SCRT2: variants seen among roughly 807,000 people sequenced by gnomAD.
The protein encoded by SCRT2 is transcriptional repressor scratch 2.
Under a neutral mutation model 3.7 loss-of-function variants are expected in SCRT2, and 2 were observed. The observed-to-expected ratio is 0.54, with a 90% CI of 0.22 to 1.70. SCRT2 has a LOEUF of 1.70. Ranked by LOEUF, SCRT2 falls within the 40% of genes most tolerant of loss-of-function variation. The pLI, the probability that SCRT2 is intolerant of heterozygous loss-of-function variation, is 0.19. For missense variants in SCRT2, 456 were observed against 468.5 expected, an observed-to-expected ratio of 0.97 and a Z score of 0.25; for synonymous variants, 256 against 220.6, an observed-to-expected ratio of 1.16 and a Z score of -1.42.
chr20:672,861 T>A (rs1350543944), intron 1 of SCRT2, among the ~76,000 whole-genome samples: 1 of 151,056 alleles, frequency 6.6e-6, no homozygotes, highest in African/African-American at 2.4e-5. Context: ...GGCTCAGCAA[T>A]TTTTCACACT....
In SCRT2 at chr20:663,665, G is replaced by C; in HGVS notation, c.*6C>G. 2 of 1,446,728 alleles carry C rather than the reference G, an allele frequency of 1.4e-6. No homozygotes were observed. The highest frequency in any genetic ancestry group is 9.1e-7 in the Non-Finnish European group (1 of 1,104,006). 89.6% of individuals were successfully genotyped at this position (1,446,728 alleles called of 1,614,324 possible). On this transcript the variant is annotated 3_prime_UTR_variant, in exon 2 of 2. Transcript: ENST00000246104. This position sits in a 1 kb window ranked among gnomAD's most constrained non-coding sequence, Gnocchi z 6.9. ...GAGTTCCGGGCGCGAGGGCGAGGCG[G>C]AAGGCTCAGCTGGCCGGGCCGGCGG...
chr20:671,408 G>A (rs1202768444), intron 1 of SCRT2, among the ~76,000 whole-genome samples: 2 of 152,218 alleles, frequency 1.3e-5, no homozygotes, highest in East Asian at 1.9e-4. Context: ...CTGGACCAAG[G>A]CCAAGTTACC....
intron 1 of SCRT2, among the ~76,000 whole-genome samples, chr20:671,924 T>C (rs997793875): frequency 6.6e-6 from 1 of 152,060 alleles, no homozygotes. Flanking sequence ...AAGATATTCT[T>C]GGCAGGGGCC....
chr20:666,157 G>T lies in SCRT2; in HGVS notation c.134-1696C>A, dbSNP rs1984147689. 6.6e-6 allele frequency among the ~76,000 whole-genome samples: 1 copy of T among 152,162 alleles called. No homozygotes were observed. Among genetic ancestry groups the T allele is most frequent in the Non-Finnish European group, 1.5e-5 (1 of 68,028 alleles). On this transcript the variant is annotated intron_variant, in intron 1 of 1. Coordinates refer to ENST00000246104, the MANE Select transcript of SCRT2 (RefSeq NM_033129.4). The surrounding 1 kb of genome is among the most constrained non-coding windows in gnomAD (Gnocchi z 4.4). ...TATGGAAGTGGATGACTCGGAAGCG[G>T]GGGGCTCTGTGGTTGGATGTAAAGG...
In SCRT2 at chr20:664,583, G is replaced by T; in HGVS notation, c.134-122C>A. On this transcript the variant is annotated intron_variant, in intron 1 of 1. Coordinates refer to ENST00000246104, the MANE Select transcript of SCRT2 (RefSeq NM_033129.4). This position sits in a 1 kb window ranked among gnomAD's most constrained non-coding sequence, Gnocchi z 7.9. ...CCCTGTGGCAGCTCCGACAGTGGTG[G>T]TCTCCGACCTGCACCTCAGCTCTTC... 1 of 614,406 alleles carries T rather than the reference G, an allele frequency of 1.6e-6. No homozygotes were observed. The highest frequency in any genetic ancestry group is 7.8e-5 in the South Asian group (1 of 12,886). 38.1% of individuals were successfully genotyped at this position (614,406 alleles called of 1,614,324 possible).
In SCRT2 at chr20:675,732, G is replaced by C. The variant is rs535591466; in HGVS notation, c.-131C>G. The C allele has an allele frequency of 5.8e-6, 3 of 514,472 alleles. No homozygotes were observed. The highest frequency in any genetic ancestry group is 8.3e-6 in the Non-Finnish European group (3 of 362,416). The allele number at this position is 514,472 out of a possible 1,614,324, so 31.9% of individuals were successfully genotyped here. On this transcript the variant is annotated 5_prime_UTR_variant, in exon 1 of 2. Coordinates refer to ENST00000246104, the MANE Select transcript of SCRT2 (RefSeq NM_033129.4). The surrounding 1 kb of genome is among the most constrained non-coding windows in gnomAD (Gnocchi z 6.9). ...CGGGAGGCCGCTCGGAGCCGGCACCGGTGGCGGCGGCCCCGGCTCGGGCTC... is the reference window on the plus strand; with the variant it reads ...CGGGAGGCCGCTCGGAGCCGGCACCCGTGGCGGCGGCCCCGGCTCGGGCTC...
rs1983990254 is a variant in SCRT2, at chr20:662,517, G to GCTGT, written c.*1153_*1154insACAG. 6.6e-6 allele frequency: 1 copy of GCTGT among 152,402 alleles called. No homozygotes were observed. Among genetic ancestry groups the GCTGT allele is most frequent in the Non-Finnish European group, 1.5e-5 (1 of 68,202 alleles). 9.4% of individuals were successfully genotyped at this position (152,402 alleles called of 1,614,324 possible). ...CGCGGGGGTGTGTGTGGTGGGGGCA[G>GCTGT]CCCTCTGTGGCCTGTGCTGTCCCTC... On this transcript the variant is annotated 3_prime_UTR_variant, in exon 2 of 2. Transcript: ENST00000246104.
rs753461150 is a variant in SCRT2 at position 664,301 on chromosome 20, C to T, written c.294G>A (p.Gly98=). The T allele has an allele frequency of 2.0e-6, 3 of 1,498,792 alleles. No individual in the cohort carries two copies. The highest frequency in any genetic ancestry group is 1.9e-5 in the Admixed American group (1 of 51,882). The allele number at this position is 1,498,792 out of a possible 1,614,324, so 92.8% of individuals were successfully genotyped here. Residue 98 remains glycine (G), a synonymous_variant, in exon 2 of 2, where the codon GGG becomes GGA. Transcript: ENST00000246104. This position sits in a 1 kb window ranked among gnomAD's most constrained non-coding sequence, Gnocchi z 7.9. ...QSSLSARYFR[G]EAAVTDSYSM... ...AGTAGCTGTCGGTCACTGCCGCCTC[C>T]CCTCGGAAGTAGCGCGCCGACAGGC...
chr20:664,041 G>C lies in SCRT2; in HGVS notation c.554C>G (p.Ala185Gly), dbSNP rs1191168424. 6.2e-7 allele frequency: 1 copy of C among 1,611,708 alleles called. No individual in the cohort carries two copies. The highest frequency in any genetic ancestry group is 8.5e-7 in the Non-Finnish European group (1 of 1,179,580). The change falls in exon 2 of 2, where the codon GCG (alanine) becomes GGG (glycine). Residue 185 changes from alanine to glycine, a missense_variant. Around this residue, in one of 3 missense-constraint regions of SCRT2, gnomAD observed 306 missense variants for 305.3 expected, o/e 1.00. Coordinates refer to ENST00000246104, the MANE Select transcript of SCRT2 (RefSeq NM_033129.4). This position sits in a 1 kb window ranked among gnomAD's most constrained non-coding sequence, Gnocchi z 7.9. ...CTTGCCGCACGTCGGGCATTTGCGC[G>C]CCAGCTGGCTGTCCAGGCTGCGGTG... is the stretch of plus-strand genomic sequence containing the variant. The part of the protein sequence containing the change: ...QTHRSLDSQL[A>G]RKCPTCGKAY...
chr20:673,599 T>C (rs982327026), intron 1 of SCRT2, among the ~76,000 whole-genome samples: 1 of 152,208 alleles, frequency 6.6e-6, no homozygotes, highest in African/African-American at 2.4e-5. Context: ...TTAAACCCGG[T>C]GGAACCTCTG....
In SCRT2 at chr20:663,998, G is replaced by A. The variant is rs752614458; in HGVS notation, c.597C>T (p.Pro199=). Residue 199 remains proline (P), a synonymous_variant, in exon 2 of 2, where the codon CCC becomes CCT. Transcript: ENST00000246104. The surrounding 1 kb of genome is among the most constrained non-coding windows in gnomAD (Gnocchi z 6.9). ...GCGTGAGCAGGTGCATGGCGAGCGC[G>A]GGCATGGACACGTAGGCCTTGCCGC... The part of the protein sequence containing the change: ...PTCGKAYVSM[P]ALAMHLLTHN... The A allele has an allele frequency of 1.4e-5, 22 of 1,611,494 alleles. No homozygotes were observed. In the Admixed American group the frequency reaches 1.7e-4, roughly 12 times the overall value.
At chr20:668,957 G>C (rs1984242501) in intron 1 of SCRT2, among the ~76,000 whole-genome samples, 1 of 152,218 alleles carries the variant, frequency 6.6e-6, no homozygotes, top group South Asian at 2.1e-4. Flanking sequence ...CCAGAGAGGG[G>C]AGAGGATTTG....
rs115671275 is a variant in SCRT2 at position 675,105 on chromosome 20, C to G, written c.133+364G>C. Among the ~76,000 whole-genome samples, 1 of 152,056 alleles carries G rather than the reference C, an allele frequency of 6.6e-6. No individual in the cohort carries two copies. The highest frequency in any genetic ancestry group is 6.5e-5 in the Admixed American group (1 of 15,284). On this transcript the variant is annotated intron_variant, in intron 1 of 1. Transcript: ENST00000246104. The surrounding 1 kb of genome is among the most constrained non-coding windows in gnomAD (Gnocchi z 6.9). Reference sequence around the variant, plus strand: ...CGGGCAGCCAGCTTCTCTTCCTCAACGGGGGAGAGGGAACCCTCAAAGTGC... The same window carrying G: ...CGGGCAGCCAGCTTCTCTTCCTCAAGGGGGGAGAGGGAACCCTCAAAGTGC...
rs1240704903 is a variant in SCRT2, at chr20:666,944, G to T, written c.134-2483C>A. On this transcript the variant is annotated intron_variant, in intron 1 of 1. Coordinates refer to ENST00000246104, the MANE Select transcript of SCRT2 (RefSeq NM_033129.4). This position sits in a 1 kb window ranked among gnomAD's most constrained non-coding sequence, Gnocchi z 4.4. ...TTTTTAAAATGGGATTTATCTGGAG[G>T]GGTGACTGATCACGTAACCAGTGCT... is the stretch of plus-strand genomic sequence containing the variant. 6.6e-6 allele frequency among the ~76,000 whole-genome samples: 1 copy of T among 152,114 alleles called. No homozygotes were observed. Among genetic ancestry groups the T allele is most frequent in the Admixed American group, 6.5e-5 (1 of 15,270 alleles).
rs1214159858 is a variant in SCRT2 at position 664,217 on chromosome 20, G to GCCGCCC, written c.372_377dup (p.Gly126_Gly127dup). Reference sequence around the variant, plus strand: ...CGTCTCCCGAGCCCCCCGCGTCCCCGCCGCCCCCGCCCCGCCGCCGCCGCG... The same window carrying GCCGCCC: ...CGTCTCCCGAGCCCCCCGCGTCCCCGCCGCCCCCGCCCCCGCCCCGCCGCCGCCGCG... On this transcript the variant is annotated inframe_insertion, in exon 2 of 2. Transcript: ENST00000246104. This position sits in a 1 kb window ranked among gnomAD's most constrained non-coding sequence, Gnocchi z 7.9. 1 of 817,424 alleles carries GCCGCCC rather than the reference G, an allele frequency of 1.2e-6. No homozygotes were observed. The highest frequency in any genetic ancestry group is 4.1e-5 in the Admixed American group (1 of 24,120). 50.6% of individuals were successfully genotyped at this position (817,424 alleles called of 1,614,324 possible). A position where few individuals can be genotyped will look rare whatever the true frequency, so the allele number is the denominator to read the frequency against.
chr20:664,707 A>G lies in SCRT2; in HGVS notation c.134-246T>C, dbSNP rs1984103187. 6.6e-6 allele frequency among the ~76,000 whole-genome samples: 1 copy of G among 152,186 alleles called. No homozygotes were observed. The highest frequency in any genetic ancestry group is 2.4e-5 in the African/African-American group (1 of 41,446). On this transcript the variant is annotated intron_variant, in intron 1 of 1. Coordinates refer to ENST00000246104, the MANE Select transcript of SCRT2 (RefSeq NM_033129.4). The surrounding 1 kb of genome is among the most constrained non-coding windows in gnomAD (Gnocchi z 7.9). Reference sequence around the variant, plus strand: ...GCATGGGGCCAGCACGGTTGTACAGAGCGTACCTTCACTATCCAGTGCTCA... The same window carrying G: ...GCATGGGGCCAGCACGGTTGTACAGGGCGTACCTTCACTATCCAGTGCTCA...
rs961755934 is a variant in SCRT2, at chr20:675,106, G to A, written c.133+363C>T. ...GGGCAGCCAGCTTCTCTTCCTCAAC[G>A]GGGGAGAGGGAACCCTCAAAGTGCC... On this transcript the variant is annotated intron_variant, in intron 1 of 1. Transcript: ENST00000246104. This position sits in a 1 kb window ranked among gnomAD's most constrained non-coding sequence, Gnocchi z 6.9. 8.6e-5 allele frequency among the ~76,000 whole-genome samples: 13 copies of A among 152,012 alleles called. No homozygotes were observed. Among genetic ancestry groups the A allele is most frequent in the Admixed American group, 2.0e-4 (3 of 15,268 alleles).
chr20:673,604 C>G (rs1035285212), intron 1 of SCRT2, among the ~76,000 whole-genome samples: 1 of 152,194 alleles, frequency 6.6e-6, no homozygotes, highest in Non-Finnish European at 1.5e-5. Flanking sequence ...CCCGGTGGAA[C>G]CTCTGCAGAA....
intron 1 of SCRT2, among the ~76,000 whole-genome samples, chr20:671,810 T>A (rs1304910357): frequency 3.3e-5 from 5 of 152,072 alleles, no homozygotes; most frequent in African/African-American, 4.8e-5. Flanking sequence ...TTGGATGCAC[T>A]CTGAGAGGGC....
Sources: gnomAD v4.1 joint callset for allele counts (sites outside exome capture counted in the v4.1 genomes callset) on GRCh38, gnomAD v4.1.1 for gene constraint, gnomAD v4.1.1 regional missense constraint, Gnocchi (gnomAD v3.1) non-coding constraint, MANE v1.5 for transcripts, NCBI Gene and HGNC (gene_info 2026-07-23, HGNC 2026-07-21) for gene names.